The following ST7 variants were observed in gnomAD, a reference collection of about 807,000 sequenced individuals.
ST7 encodes suppressor of tumorigenicity 7 protein.
A neutral mutation model predicts 78.7 loss-of-function variants in ST7; 28 were observed. That is an observed-to-expected ratio of 0.36 (90% CI 0.26 to 0.49). The LOEUF (loss-of-function observed/expected upper bound fraction) is 0.49, where lower values mean the gene tolerates loss of function less well. ST7 is among the 20% of genes least tolerant of loss of function. The pLI is 0.99. For synonymous variants in ST7, 247 were observed against 249.6 expected (o/e 0.99, Z 0.10); for missense variants, 418 against 696.0 (o/e 0.60, Z 4.49).
chr7:116,959,099 C>T (rs1393003624), intron 1 of ST7: 4 of 445,746 alleles, frequency 9.0e-6, no homozygotes, highest in Middle Eastern at 7.0e-4. Flanking sequence ...CACCCTGCCA[C>T]GGCTTTATCA....
At chr7:117,014,986 TG>T in intron 1 of ST7, 1 of 1,372,180 alleles carries the variant, frequency 7.3e-7, no homozygotes. Flanking sequence ...CTCAGTTTCC[TG>T]CTTACTGCTT....
At chr7:117,195,930 C>T (rs1226380426) in intron 12 of ST7, among the ~76,000 whole-genome samples, 2 of 152,206 alleles carry the variant, frequency 1.3e-5, no homozygotes, top group South Asian at 2.1e-4. Flanking sequence ...CCCCTCCCCA[C>T]AGCCCCTGGC....
rs768841433 is a variant in ST7, at chr7:117,192,185, A to T, written c.1254+1249A>T. On this transcript the variant is annotated intron_variant, in intron 12 of 15. Transcript: ENST00000323984. ...AGATAAAAATGTTTATTCCACTTTG[A>T]CTAAAATTTAAAACTAATCATGAAA... Among the ~76,000 whole-genome samples, 4 of 152,326 alleles carry T rather than the reference A, an allele frequency of 2.6e-5. No individual in the cohort carries two copies. The East Asian group carries it at 5.8e-4, about 22-fold the overall frequency.
intron 10 of ST7, among the ~76,000 whole-genome samples, chr7:117,180,737 C>A (rs1248240345): frequency 1.3e-5 from 2 of 152,152 alleles, no homozygotes; most frequent in African/African-American, 2.4e-5. Flanking sequence ...GCAGTCTCAA[C>A]TTCCCATGCT....
At chr7:117,193,962 G>A (rs1810033514) in intron 12 of ST7, among the ~76,000 whole-genome samples, 1 of 152,170 alleles carries the variant, frequency 6.6e-6, no homozygotes, top group Non-Finnish European at 1.5e-5. Context: ...TTTACCTTCG[G>A]AGGGCTACTC....
At chr7:117,111,210 A>T (rs1369551444) in intron 2 of ST7, among the ~76,000 whole-genome samples, 1 of 152,198 alleles carries the variant, frequency 6.6e-6, no homozygotes, top group African/African-American at 2.4e-5. Context: ...GTAAAGGATC[A>T]GGTGCTCTGC....
chr7:117,078,635 T>C (rs1206610794), intron 1 of ST7, among the ~76,000 whole-genome samples: 1 of 152,222 alleles, frequency 6.6e-6, no homozygotes, highest in Non-Finnish European at 1.5e-5. Context: ...GCAAGATAGA[T>C]GCTTTGCATC....
At chr7:117,201,902 G>A (rs938208425) in intron 12 of ST7, among the ~76,000 whole-genome samples, 7 of 151,746 alleles carry the variant, frequency 4.6e-5, no homozygotes, top group East Asian at 1.9e-4. Flanking sequence ...GCGCTGCCAC[G>A]CGTTCATGTT....
chr7:117,046,272 GC>G (rs35282577), intron 1 of ST7, among the ~76,000 whole-genome samples: 1 of 152,060 alleles, frequency 6.6e-6, no homozygotes, highest in Admixed American at 6.6e-5. Flanking sequence ...TCTGTATTCA[GC>G]CTGTCGGGCA....
At chr7:117,047,000 A>G (rs1490214506) in intron 1 of ST7, among the ~76,000 whole-genome samples, 1 of 152,198 alleles carries the variant, frequency 6.6e-6, no homozygotes, top group Non-Finnish European at 1.5e-5. Context: ...TTAATGACAG[A>G]GCCTGCCGCA....
chr7:116,954,699 GT>G (rs1562973848), intron 1 of ST7: 1 of 153,940 alleles, frequency 6.5e-6, no homozygotes, highest in East Asian at 1.9e-4. Context: ...TTTTGTTTTT[GT>G]TTTAAATTTT....
At chr7:117,015,123 T>C (rs1350169407) in intron 1 of ST7, 5 of 537,570 alleles carry the variant, frequency 9.3e-6, no homozygotes, top group African/African-American at 2.0e-5. Flanking sequence ...TTTAAAAATA[T>C]TGTGCATCAG....
intron 1 of ST7, among the ~76,000 whole-genome samples, chr7:117,081,296 T>G (rs1302568872): frequency 6.6e-6 from 1 of 152,146 alleles, no homozygotes; most frequent in Non-Finnish European, 1.5e-5. Flanking sequence ...TCATTCTTAT[T>G]AATCTTTATT....
At chr7:116,976,962 A>G (rs774772995) in intron 1 of ST7, among the ~76,000 whole-genome samples, 3 of 152,222 alleles carry the variant, frequency 2.0e-5, no homozygotes, top group Non-Finnish European at 2.9e-5. Flanking sequence ...TCATTTTAAA[A>G]GATTAGTTTT....
At chr7:117,205,657 A>G (rs73714392) in intron 12 of ST7, among the ~76,000 whole-genome samples, 8,015 of 152,286 alleles carry the variant, frequency 0.053, 709 homozygotes, top group African/African-American at 0.18. Context: ...CTCCACTCAG[A>G]GACCTCCATG....
At chr7:117,074,321 G>A (rs1053898252) in intron 1 of ST7, among the ~76,000 whole-genome samples, 15 of 152,284 alleles carry the variant, frequency 9.9e-5, no homozygotes, top group African/African-American at 3.6e-4. Context: ...AACCCAGGAG[G>A]CGGAGGTTGC....
intron 15 of ST7, among the ~76,000 whole-genome samples, chr7:117,225,090 CA>C (rs1181654870): frequency 1.3e-5 from 2 of 152,142 alleles, no homozygotes; most frequent in Middle Eastern, 3.2e-3. Context: ...CTGCTTTAAC[CA>C]GCAAGGGGAT....
chr7:117,164,576 A>G (rs1317617624), intron 9 of ST7, among the ~76,000 whole-genome samples: 3 of 152,200 alleles, frequency 2.0e-5, no homozygotes, highest in Non-Finnish European at 4.4e-5. Context: ...TTAATGGCAG[A>G]GGTTGGATTT....
chr7:117,016,162 G>T (rs1029294032), intron 1 of ST7, among the ~76,000 whole-genome samples: 7 of 152,122 alleles, frequency 4.6e-5, no homozygotes, highest in Admixed American at 3.3e-4. Context: ...CTATGTTAGG[G>T]TTTCTTTAAA....
Sources: gnomAD v4.1 joint callset for allele counts (sites outside exome capture counted in the v4.1 genomes callset) on GRCh38, gnomAD v4.1.1 for gene constraint, MANE v1.5 for transcripts, NCBI Gene and HGNC (gene_info 2026-07-23, HGNC 2026-07-21) for gene names.